FRAS1: variants seen among roughly 807,000 people sequenced by gnomAD.
FRAS1 encodes Fraser extracellular matrix complex subunit 1.
A neutral mutation model predicts 435.2 loss-of-function variants in FRAS1; 290 were observed. The observed-to-expected ratio is 0.67, with a 90% CI of 0.61 to 0.73. The LOEUF (loss-of-function observed/expected upper bound fraction) is 0.73. FRAS1 is among the 30% of genes least tolerant of loss of function. The pLI, the probability that FRAS1 is intolerant of heterozygous loss-of-function variation, is 0.00. For synonymous variants in FRAS1, 1,800 were observed against 1,851.0 expected (o/e 0.97, Z 0.71); for missense variants, 4,860 against 5,001.5 (o/e 0.97, Z 0.85).
At chr4:78,490,299 A>G (rs1720309704) in intron 59 of FRAS1, among the ~76,000 whole-genome samples, 1 of 152,196 alleles carries the variant, frequency 6.6e-6, no homozygotes, top group South Asian at 2.1e-4. Context: ...CTCTGGACCA[A>G]GCAGACCTAA....
chr4:78,282,047 T>C (rs1177559513), intron 11 of FRAS1, among the ~76,000 whole-genome samples: 2 of 152,200 alleles, frequency 1.3e-5, no homozygotes, highest in African/African-American at 2.4e-5. Context: ...ATTAATTGTT[T>C]GAAATGTTTA....
At position 78,255,150 on chromosome 4, in the gene FRAS1, T is replaced by A. The variant is rs1725731998; in HGVS notation, c.470-92T>A. 7 of 1,299,932 alleles carry A rather than the reference T, an allele frequency of 5.4e-6. No individual in the cohort carries two copies. In the Admixed American group the frequency reaches 9.9e-5, roughly 18 times the overall value. The allele number at this position is 1,299,932 out of a possible 1,614,324, so 80.5% of individuals were successfully genotyped here. ...GACCTCCTTCTGTGCACTGGGCTTC[T>A]GACCAACTGCACTGGCTGCACGCCC... On this transcript the variant is annotated intron_variant, in intron 5 of 73. Transcript: ENST00000512123.
intron 40 of FRAS1, 85 bp from the exon 41 acceptor site, chr4:78,441,077 C>A: frequency 7.1e-7 from 1 of 1,404,694 alleles, no homozygotes. Flanking sequence ...AGAAGGTCAC[C>A]CAGGCAGCAC....
intron 2 of FRAS1, among the ~76,000 whole-genome samples, chr4:78,119,384 C>T (rs1444744499): frequency 6.6e-6 from 1 of 152,126 alleles, no homozygotes; most frequent in Non-Finnish European, 1.5e-5. Flanking sequence ...CTACTTTTGA[C>T]TTCTATGAGA....
chr4:78,061,229 A>C (rs1476054679), intron 1 of FRAS1, among the ~76,000 whole-genome samples: 1 of 152,170 alleles, frequency 6.6e-6, no homozygotes, highest in Non-Finnish European at 1.5e-5. Flanking sequence ...ATATGGCCTT[A>C]TATTGCTAAA....
intron 2 of FRAS1, among the ~76,000 whole-genome samples, chr4:78,102,655 CAA>C (rs1742191712): frequency 6.6e-6 from 1 of 152,060 alleles, no homozygotes. Flanking sequence ...TTGTGCAAGC[CAA>C]ATATATAGTG....
intron 47 of FRAS1, among the ~76,000 whole-genome samples, chr4:78,459,214 A>T (rs1481145388): frequency 6.6e-6 from 1 of 152,146 alleles, no homozygotes; most frequent in Non-Finnish European, 1.5e-5. Context: ...TTACATGTAT[A>T]TGGTACTTGT....
intron 52 of FRAS1, 106 bp from the exon 53 acceptor site, chr4:78,473,332 T>A (rs964822212): frequency 1.2e-6 from 1 of 816,280 alleles, no homozygotes; most frequent in East Asian, 2.6e-5. Context: ...AAAATAAGTT[T>A]TGTCTGTAAT....
intron 19 of FRAS1, 81 bp from the exon 20 acceptor site, chr4:78,337,593 A>G: frequency 6.9e-7 from 1 of 1,457,934 alleles, no homozygotes; most frequent in Non-Finnish European, 9.4e-7. Context: ...CTTTTAATGT[A>G]ATTTGTGGAA....
In FRAS1 at chr4:78,090,626, A is replaced by G. The variant is rs149564960; in HGVS notation, c.108+24610A>G. 4.1e-3 allele frequency among the ~76,000 whole-genome samples: 629 copies of G among 152,290 alleles called. 6 individuals carry two copies. The highest frequency in any genetic ancestry group is 0.014 in the African/African-American group (595 of 41,564). ...CAAACCATTAACTCATCTGTGCTCG[A>G]GATCACTGAAGCTATACATCCACGC... On this transcript the variant is annotated intron_variant, in intron 2 of 73. Transcript: ENST00000512123.
intron 67 of FRAS1, among the ~76,000 whole-genome samples, chr4:78,521,281 C>G (rs1721377355): frequency 6.6e-6 from 1 of 150,850 alleles, no homozygotes; most frequent in Admixed American, 6.6e-5. Flanking sequence ...GTGGAACTTA[C>G]AGGTTTGAAA....
chr4:78,277,881 G>A (rs533482027), intron 9 of FRAS1, among the ~76,000 whole-genome samples: 9 of 151,380 alleles, frequency 5.9e-5, no homozygotes, highest in African/African-American at 2.2e-4. Context: ...GCGTGATCTC[G>A]GCTCACTGCA....
intron 29 of FRAS1, among the ~76,000 whole-genome samples, chr4:78,389,804 T>C (rs1379269972): frequency 1.3e-5 from 2 of 152,198 alleles, no homozygotes; most frequent in Admixed American, 6.5e-5. Flanking sequence ...GAAGGACATT[T>C]CTAGGGTTTT....
At position 78,057,782 on chromosome 4, in the gene FRAS1, G is replaced by A; in HGVS notation, c.-228G>A. 7.3e-6 allele frequency: 4 copies of A among 546,152 alleles called. No homozygotes were observed. Among genetic ancestry groups the A allele is most frequent in the Middle Eastern group, 4.8e-4 (1 of 2,062 alleles). 33.8% of individuals were successfully genotyped at this position (546,152 alleles called of 1,614,324 possible). A position where few individuals can be genotyped will look rare whatever the true frequency, so the allele number is the denominator to read the frequency against. On this transcript the variant is annotated 5_prime_UTR_variant, in exon 1 of 74. Coordinates refer to ENST00000512123, the MANE Select transcript of FRAS1 (RefSeq NM_025074.7). This position sits in a 1 kb window ranked among gnomAD's most constrained non-coding sequence, Gnocchi z 4.2. ...GCGTCCTGCCTTGCGGGGGAACTCG[G>A]CGCGCTCTCTGCCTGAGCAGCGAGT...
intron 2 of FRAS1, among the ~76,000 whole-genome samples, chr4:78,153,208 C>T (rs1460307837): frequency 6.6e-6 from 1 of 152,108 alleles, no homozygotes; most frequent in African/African-American, 2.4e-5. Flanking sequence ...TTCCCCCCAC[C>T]CCTCACCCTC....
intron 10 of FRAS1, among the ~76,000 whole-genome samples, chr4:78,280,123 C>A (rs186803055): frequency 3.2e-4 from 49 of 152,228 alleles, no homozygotes; most frequent in African/African-American, 1.1e-3. Flanking sequence ...TAATTTTTTT[C>A]TTTTCTTATT....
intron 72 of FRAS1, 107 bp downstream of exon 72, chr4:78,537,307 C>G: frequency 9.6e-7 from 1 of 1,046,406 alleles, no homozygotes. Context: ...ATATTTTCTT[C>G]TCTATATATG....
chr4:78,364,840 G>A (rs1362557013), intron 22 of FRAS1, among the ~76,000 whole-genome samples: 2 of 152,228 alleles, frequency 1.3e-5, no homozygotes, highest in Admixed American at 1.3e-4. Flanking sequence ...TCAGTTGTGT[G>A]TTCTAGGGGT....
intron 29 of FRAS1, among the ~76,000 whole-genome samples, chr4:78,399,145 T>G (rs1265669803): frequency 1.3e-5 from 2 of 152,232 alleles, no homozygotes; most frequent in Non-Finnish European, 2.9e-5. Flanking sequence ...GAGAATATTC[T>G]CTGGGATTTT....
Sources: gnomAD v4.1 joint callset for allele counts (sites outside exome capture counted in the v4.1 genomes callset) on GRCh38, gnomAD v4.1.1 for gene constraint, Gnocchi (gnomAD v3.1) non-coding constraint, MANE v1.5 for transcripts, NCBI Gene and HGNC (gene_info 2026-07-23, HGNC 2026-07-21) for gene names.